TICAM2: variants seen among roughly 807,000 people sequenced by gnomAD.
TICAM2 encodes the protein TIR domain-containing adapter molecule 2.
In TICAM2, 8 loss-of-function variants were observed where a neutral mutation model predicts 7.3. That is an observed-to-expected ratio of 1.10 (90% CI 0.65 to 1.99). TICAM2 has a LOEUF of 1.99. TICAM2 is among the 30% of genes most tolerant of loss of function. The pLI, the probability that TICAM2 is intolerant of heterozygous loss-of-function variation, is 0.00. For synonymous variants in TICAM2, 113 were observed against 99.6 expected (o/e 1.13, Z -0.80); for missense variants, 304 against 278.8 (o/e 1.09, Z -0.65).
chr5:115,580,453 CTT>C lies in TICAM2; in HGVS notation c.*94_*95del. 7.2e-7 allele frequency: 1 copy of C among 1,388,442 alleles called. No individual in the cohort carries two copies. Among genetic ancestry groups the C allele is most frequent in the Non-Finnish European group, 9.4e-7 (1 of 1,065,510 alleles). 86.0% of individuals were successfully genotyped at this position (1,388,442 alleles called of 1,614,324 possible). A position where few individuals can be genotyped will look rare whatever the true frequency, so the allele number is the denominator to read the frequency against. On this transcript the variant is annotated 3_prime_UTR_variant, in exon 2 of 2. Transcript: ENST00000427199. Reference sequence around the variant, plus strand: ...TAGGTTTCTTTAAGGTGAAGACTCTCTTTTATTTAAACATTTCCTAGAAACTG... The same window carrying C: ...TAGGTTTCTTTAAGGTGAAGACTCTCTTATTTAAACATTTCCTAGAAACTG...
Position 115,580,369 on chromosome 5 carries a change from T to C in TICAM2, c.*180A>G. The C allele has an allele frequency of 1.2e-6, 1 of 803,184 alleles. No individual in the cohort carries two copies. Among genetic ancestry groups the C allele is most frequent in the South Asian group, 4.1e-5 (1 of 24,410 alleles). 49.8% of individuals were successfully genotyped at this position (803,184 alleles called of 1,614,324 possible). Reference sequence around the variant, plus strand: ...TGACAATGTCAAGTTTACTGAAACATCAAAAAGTACCACAATTTTATAGGC... The same window carrying C: ...TGACAATGTCAAGTTTACTGAAACACCAAAAAGTACCACAATTTTATAGGC... On this transcript the variant is annotated 3_prime_UTR_variant, in exon 2 of 2. Transcript: ENST00000427199.
chr5:115,600,327 T>G (rs1328377347), intron 1 of TICAM2, among the ~76,000 whole-genome samples: 1 of 152,110 alleles, frequency 6.6e-6, no homozygotes, highest in Non-Finnish European at 1.5e-5. Flanking sequence ...TACACATACA[T>G]CTGGAGCTCA....
At chr5:115,597,507 G>A (rs949646457) in intron 1 of TICAM2, among the ~76,000 whole-genome samples, 7 of 152,130 alleles carry the variant, frequency 4.6e-5, no homozygotes, top group African/African-American at 1.7e-4. Context: ...AAATGTTTAT[G>A]AATGTTATGA....
chr5:115,581,566 T>C (rs1754924569), intron 1 of TICAM2, among the ~76,000 whole-genome samples: 1 of 152,182 alleles, frequency 6.6e-6, no homozygotes. Context: ...AAAATGTAAA[T>C]GGTGTTATAT....
chr5:115,600,519 A>G (rs1739618712), intron 1 of TICAM2, among the ~76,000 whole-genome samples: 1 of 152,224 alleles, frequency 6.6e-6, no homozygotes, highest in African/African-American at 2.4e-5. Flanking sequence ...TGGAGACACA[A>G]TGAAGCAGAA....
chr5:115,581,274 G>C lies in TICAM2; in HGVS notation c.-18C>G. 6.2e-7 allele frequency: 1 copy of C among 1,602,888 alleles called. No individual in the cohort carries two copies. On this transcript the variant is annotated 5_prime_UTR_variant, in exon 2 of 2. Coordinates refer to ENST00000427199, the MANE Select transcript of TICAM2 (RefSeq NM_021649.7). ...ATACCCATTATAAATATCCAAGGCA[G>C]AAGAGGAAAACTTTATGTATTTCTC...
At chr5:115,590,167 G>A (rs558732331) in intron 1 of TICAM2, among the ~76,000 whole-genome samples, 3 of 152,144 alleles carry the variant, frequency 2.0e-5, no homozygotes, top group African/African-American at 7.2e-5. Context: ...GGGCAACAAA[G>A]CAAGACCCCA....
At chr5:115,600,711 C>G (rs1263202749) in intron 1 of TICAM2, among the ~76,000 whole-genome samples, 9 of 152,038 alleles carry the variant, frequency 5.9e-5, no homozygotes, top group Non-Finnish European at 1.5e-5. Flanking sequence ...ACATCAGGAC[C>G]ATGCAGGGGG....
At chr5:115,588,659 A>G (rs1265136658) in intron 1 of TICAM2, among the ~76,000 whole-genome samples, 1 of 152,220 alleles carries the variant, frequency 6.6e-6, no homozygotes, top group African/African-American at 2.4e-5. Flanking sequence ...TACCACAAGT[A>G]CTAAAAACTT....
At chr5:115,601,199 C>T (rs1311455046) in intron 1 of TICAM2, among the ~76,000 whole-genome samples, 1 of 152,030 alleles carries the variant, frequency 6.6e-6, no homozygotes. Context: ...AGCAAACCAC[C>T]ATGGCACACG....
intron 1 of TICAM2, among the ~76,000 whole-genome samples, chr5:115,600,290 T>A (rs1175343143): frequency 6.6e-6 from 1 of 152,156 alleles, no homozygotes; most frequent in African/African-American, 2.4e-5. Context: ...GACTTCCAAG[T>A]GGAGATGCTG....
At chr5:115,582,868 C>A (rs535477508) in intron 1 of TICAM2, among the ~76,000 whole-genome samples, 1 of 110,996 alleles carries the variant, frequency 9.0e-6, no homozygotes, top group African/African-American at 4.5e-5. Flanking sequence ...GTCATGGGAA[C>A]AAAAACCAAG....
Position 115,601,782 on chromosome 5 carries a change from G to C in TICAM2, c.-60+315C>G, listed in dbSNP as rs1192455924. The stretch of plus-strand genomic sequence containing the variant: ...TGTGCCTGGCAGGGGCTCATGCAGA[G>C]CCTTTAGAGCATTTAAGACTCTGGG... On this transcript the variant is annotated intron_variant, in intron 1 of 1. Coordinates refer to ENST00000427199, the MANE Select transcript of TICAM2 (RefSeq NM_021649.7). Among the ~76,000 whole-genome samples the C allele has an allele frequency of 7.9e-5, 12 of 152,278 alleles. 2 individuals carry two copies. In the South Asian group the frequency reaches 2.5e-3, roughly 32 times the overall value.
intron 1 of TICAM2, among the ~76,000 whole-genome samples, chr5:115,593,906 T>C (rs1755407370): frequency 1.3e-5 from 2 of 152,072 alleles, no homozygotes; most frequent in African/African-American, 4.8e-5. Flanking sequence ...TACTGCAGAG[T>C]AGTGAGGAAA....
intron 1 of TICAM2, among the ~76,000 whole-genome samples, chr5:115,597,731 A>G (rs1382032278): frequency 6.6e-6 from 1 of 152,142 alleles, no homozygotes; most frequent in Admixed American, 6.5e-5. Flanking sequence ...CCCTGCATAT[A>G]CCAAAATCCA....
chr5:115,585,107 A>G (rs1048801075), intron 1 of TICAM2, among the ~76,000 whole-genome samples: 6 of 152,208 alleles, frequency 3.9e-5, no homozygotes, highest in Non-Finnish European at 8.8e-5. Context: ...GTACAACTTA[A>G]TCAATATATT....
chr5:115,581,131 C>T lies in TICAM2; in HGVS notation c.126G>A (p.Leu42=), dbSNP rs1421771312. The change falls in exon 2 of 2, where the codon TTG becomes TTA. Residue 42 remains leucine (L), a synonymous_variant. Coordinates refer to ENST00000427199, the MANE Select transcript of TICAM2 (RefSeq NM_021649.7). ...TATTGCTGTGCTCAGCAACATTACACAAGGATAGATCTTCAGACTTCTTGG... is the reference window on the plus strand; with the variant it reads ...TATTGCTGTGCTCAGCAACATTACATAAGGATAGATCTTCAGACTTCTTGG... ...SDSKKSEDLS[L]CNVAEHSNTT... is the part of the protein sequence containing the mutation. 6 of 1,614,130 alleles carry T rather than the reference C, an allele frequency of 3.7e-6. No homozygotes were observed. The highest frequency in any genetic ancestry group is 1.1e-5 in the South Asian group (1 of 91,076).
chr5:115,591,050 A>G (rs1267982047), intron 1 of TICAM2, among the ~76,000 whole-genome samples: 1 of 152,202 alleles, frequency 6.6e-6, no homozygotes, highest in Non-Finnish European at 1.5e-5. Flanking sequence ...GAGGATAACT[A>G]GAAAAGCTAG....
chr5:115,599,312 C>T (rs1580421584), intron 1 of TICAM2, among the ~76,000 whole-genome samples: 2 of 151,944 alleles, frequency 1.3e-5, no homozygotes, highest in East Asian at 3.9e-4. Flanking sequence ...CTGCCCCCCA[C>T]CAAATATTAT....
Sources: gnomAD v4.1 joint callset for allele counts (sites outside exome capture counted in the v4.1 genomes callset) on GRCh38, gnomAD v4.1.1 for gene constraint, MANE v1.5 for transcripts, NCBI Gene and HGNC (gene_info 2026-07-23, HGNC 2026-07-21) for gene names.